The following CYRIA variants were observed in gnomAD, a reference collection of about 807,000 sequenced individuals.
CYRIA encodes CYFIP related Rac1 interactor A.
CYRIA carries 15 observed loss-of-function variants against 43.9 expected under a neutral mutation model. The observed-to-expected ratio is 0.34, with a 90% CI of 0.23 to 0.53. The LOEUF (loss-of-function observed/expected upper bound fraction) is 0.53, where lower values mean the gene tolerates loss of function less well. CYRIA is among the 20% of genes least tolerant of loss of function. The probability of loss-of-function intolerance (pLI) is 0.94; values close to 1 mark genes in which losing one functional copy is unlikely to be tolerated. For missense variants in CYRIA, 236 were observed against 394.2 expected (o/e 0.60, Z 3.40); for synonymous variants, 117 against 136.0 (o/e 0.86, Z 0.97).
At position 16,551,453 on chromosome 2, in the gene CYRIA, GCCACAT is replaced by G. The variant is rs1175148362; in HGVS notation, c.*1477_*1482del. Reference sequence around the variant, plus strand: ...TCCCATCCCATAGTATGTATTCACAGCCACATGGTATAAAAGGAAGAGCATGGAGTC... The same window carrying G: ...TCCCATCCCATAGTATGTATTCACAGGGTATAAAAGGAAGAGCATGGAGTC... On this transcript the variant is annotated 3_prime_UTR_variant, in exon 12 of 12. Transcript: ENST00000381323. 7.2e-5 allele frequency: 11 copies of G among 152,198 alleles called. No homozygotes were observed. The highest frequency in any genetic ancestry group is 2.4e-4 in the African/African-American group (10 of 41,454). The allele number at this position is 152,198 out of a possible 1,614,324, so 9.4% of individuals were successfully genotyped here. A position where few individuals can be genotyped will look rare whatever the true frequency, so the allele number is the denominator to read the frequency against.
intron 1 of CYRIA, among the ~76,000 whole-genome samples, chr2:16,649,508 G>T (rs1669910681): frequency 6.6e-6 from 1 of 151,636 alleles, no homozygotes; most frequent in African/African-American, 2.4e-5. Context: ...GGGCATGGCT[G>T]TACAGTACAC....
At chr2:16,554,410 C>A (rs1027919019) in intron 11 of CYRIA, among the ~76,000 whole-genome samples, 8 of 152,054 alleles carry the variant, frequency 5.3e-5, no homozygotes, top group Non-Finnish European at 1.0e-4. Flanking sequence ...CACATGCATC[C>A]CTGGGAAGAA....
chr2:16,630,421 G>A (rs1453529949), intron 1 of CYRIA, among the ~76,000 whole-genome samples: 1 of 152,108 alleles, frequency 6.6e-6, no homozygotes. Context: ...ACCAGAACAA[G>A]AGCCCAGATC....
chr2:16,558,228 T>C (rs368421634), intron 10 of CYRIA, among the ~76,000 whole-genome samples: 2 of 152,182 alleles, frequency 1.3e-5, no homozygotes, highest in East Asian at 3.9e-4. Context: ...CACATAAATA[T>C]TTATTTTCTT....
intron 3 of CYRIA, among the ~76,000 whole-genome samples, chr2:16,579,260 T>C (rs1667461829): frequency 6.6e-6 from 1 of 152,078 alleles, no homozygotes; most frequent in African/African-American, 2.4e-5. Flanking sequence ...AATTTGTTTC[T>C]AATAGACTTG....
chr2:16,610,748 G>A (rs1162637307), intron 2 of CYRIA, among the ~76,000 whole-genome samples: 3 of 151,546 alleles, frequency 2.0e-5, no homozygotes, highest in East Asian at 3.9e-4. Context: ...CTGTAGAGTT[G>A]GCAAAACTGT....
At chr2:16,621,694 T>G (rs182819722) in intron 2 of CYRIA, among the ~76,000 whole-genome samples, 79 of 152,340 alleles carry the variant, frequency 5.2e-4, no homozygotes, top group African/African-American at 1.8e-3. Flanking sequence ...CTTCTAGCCT[T>G]GCTCCCTCAC....
intron 1 of CYRIA, among the ~76,000 whole-genome samples, chr2:16,630,557 C>T (rs1019564170): frequency 1.3e-5 from 2 of 152,152 alleles, no homozygotes; most frequent in Admixed American, 1.3e-4. Flanking sequence ...AAAACACCTG[C>T]CAAACTGGCT....
chr2:16,616,832 A>G (rs1668811952), intron 2 of CYRIA, among the ~76,000 whole-genome samples: 1 of 152,218 alleles, frequency 6.6e-6, no homozygotes, highest in Non-Finnish European at 1.5e-5. Context: ...GAACCCTTAC[A>G]AGGTTGGTGC....
In CYRIA at chr2:16,643,279, C is replaced by T. The variant is rs562273000; in HGVS notation, c.-166-19260G>A. Reference sequence around the variant, plus strand: ...TTAGTCGTTCATCCTTGAACCGTAGCTTAAACAATGAATGGCATTGAGCCA... The same window carrying T: ...TTAGTCGTTCATCCTTGAACCGTAGTTTAAACAATGAATGGCATTGAGCCA... On this transcript the variant is annotated intron_variant, in intron 1 of 11. Coordinates refer to ENST00000381323, the MANE Select transcript of CYRIA (RefSeq NM_030797.4). 4.6e-5 allele frequency among the ~76,000 whole-genome samples: 7 copies of T among 152,238 alleles called. No homozygotes were observed. In the East Asian group the frequency reaches 1.4e-3, roughly 29 times the overall value.
chr2:16,580,730 C>CT (rs2103445544), intron 3 of CYRIA, among the ~76,000 whole-genome samples: 1 of 152,252 alleles, frequency 6.6e-6, no homozygotes, highest in African/African-American at 2.4e-5. Flanking sequence ...TTTCTTGACT[C>CT]TAAGACCTAT....
chr2:16,589,746 A>G (rs1045489011), intron 2 of CYRIA, among the ~76,000 whole-genome samples: 1 of 152,100 alleles, frequency 6.6e-6, no homozygotes, highest in Non-Finnish European at 1.5e-5. Flanking sequence ...CATCATCATG[A>G]TTATGCTAAC....
At chr2:16,579,421 A>G (rs1667469791) in intron 3 of CYRIA, among the ~76,000 whole-genome samples, 1 of 144,952 alleles carries the variant, frequency 6.9e-6, no homozygotes, top group Admixed American at 6.8e-5. Context: ...ATGCACATGC[A>G]CACACACACA....
At chr2:16,614,279 C>T (rs915436285) in intron 2 of CYRIA, among the ~76,000 whole-genome samples, 3 of 152,210 alleles carry the variant, frequency 2.0e-5, no homozygotes, top group African/African-American at 7.2e-5. Flanking sequence ...GAGGATGTCC[C>T]TGCAGGAAAT....
Position 16,647,085 on chromosome 2 carries a change from G to A in CYRIA, c.-167+18695C>T, listed in dbSNP as rs141554346. ...TCTATCTGTAGCCATATCCGTATCC[G>A]TATCTATCTCCTATTGGTTCTATTT... On this transcript the variant is annotated intron_variant, in intron 1 of 11. Transcript: ENST00000381323. 2.3e-3 allele frequency among the ~76,000 whole-genome samples: 354 copies of A among 152,210 alleles called. 1 individual carries two copies. The highest frequency in any genetic ancestry group is 7.6e-3 in the African/African-American group (316 of 41,512).
In CYRIA at chr2:16,561,643, G is replaced by T. The variant is rs1666737715; in HGVS notation, c.436-110C>A. On this transcript the variant is annotated intron_variant, in intron 6 of 11. Coordinates refer to ENST00000381323, the MANE Select transcript of CYRIA (RefSeq NM_030797.4). ...TATAAATACTCCAGGACTTCTCTTT[G>T]TTACATAAGAGTCAAAGCAACTTCT... The T allele has an allele frequency of 6.0e-6, 5 of 831,476 alleles. No individual in the cohort carries two copies. The South Asian group carries it at 6.4e-5, about 11-fold the overall frequency. 51.5% of individuals were successfully genotyped at this position (831,476 alleles called of 1,614,324 possible).
Position 16,613,555 on chromosome 2 carries a change from G to A in CYRIA, c.-11+10309C>T, listed in dbSNP as rs189026297. ...TTACCCTCCAGTAGGTTAGTTTGAAGAGTTACTATATTGTATATTTCTGCT... is the reference window on the plus strand; with the variant it reads ...TTACCCTCCAGTAGGTTAGTTTGAAAAGTTACTATATTGTATATTTCTGCT... On this transcript the variant is annotated intron_variant, in intron 2 of 11. Coordinates refer to ENST00000381323, the MANE Select transcript of CYRIA (RefSeq NM_030797.4). Among the ~76,000 whole-genome samples the A allele has an allele frequency of 4.6e-5, 7 of 152,342 alleles. No individual in the cohort carries two copies. The East Asian group carries it at 1.2e-3, about 25-fold the overall frequency.
At chr2:16,631,101 C>T (rs2103521371) in intron 1 of CYRIA, among the ~76,000 whole-genome samples, 1 of 152,328 alleles carries the variant, frequency 6.6e-6, no homozygotes, top group South Asian at 2.1e-4. Flanking sequence ...TCCTCAGATA[C>T]AACACCTGTT....
chr2:16,563,033 G>T (rs1666801723), intron 5 of CYRIA, among the ~76,000 whole-genome samples: 1 of 152,070 alleles, frequency 6.6e-6, no homozygotes, highest in Non-Finnish European at 1.5e-5. Context: ...GGATATCTCT[G>T]GCCTTTTTGA....
Sources: allele counts gnomAD v4.1 joint callset (sites outside exome capture counted in the v4.1 genomes callset), GRCh38; gene constraint gnomAD v4.1.1; transcripts MANE v1.5; gene names NCBI Gene and HGNC (gene_info 2026-07-23, HGNC 2026-07-21).